The following STAMBP variants were observed in gnomAD, a reference collection of about 807,000 sequenced individuals.
STAMBP encodes the protein STAM binding protein.
In STAMBP, 31 loss-of-function variants were observed where a neutral mutation model predicts 50.7. The ratio of observed to expected loss-of-function variants is 0.61; its 90% CI spans 0.46 to 0.83. The LOEUF is 0.83. Among genes scored for constraint, STAMBP ranks in the 40% least tolerant of loss-of-function variants. The pLI is 0.00. For missense variants in STAMBP, 472 were observed against 518.9 expected, an observed-to-expected ratio of 0.91 and a Z score of 0.88; for synonymous variants, 211 against 192.4, an observed-to-expected ratio of 1.10 and a Z score of -0.80.
intron 7 of STAMBP, among the ~76,000 whole-genome samples, chr2:73,853,138 C>A (rs556921699): frequency 2.3e-3 from 356 of 152,070 alleles, no homozygotes; most frequent in South Asian, 0.016. Context: ...AGACTCGGAT[C>A]GGCCTGGATT....
rs56684009 is a variant in STAMBP at position 73,852,917 on chromosome 2, G to GGTGTGTGTGTGTGT, written c.1005+2429_1005+2442dup. ...AGACTGGGTTTCACTATGTTGGCCA[G>GGTGTGTGTGTGTGT]GTGTGTGTGTGTGTGTGTGTGTGTG... On this transcript the variant is annotated intron_variant, in intron 7 of 9. Coordinates refer to ENST00000394070, the MANE Select transcript of STAMBP (RefSeq NM_213622.4). 7.5e-4 allele frequency among the ~76,000 whole-genome samples: 92 copies of GGTGTGTGTGTGTGT among 122,860 alleles called. 3 individuals are homozygous for GGTGTGTGTGTGTGT. Among genetic ancestry groups the GGTGTGTGTGTGTGT allele is most frequent in the South Asian group, 3.6e-3 (12 of 3,302 alleles). The allele number at this position is 122,860 out of a possible 152,430, so 80.6% of individuals were successfully genotyped here. A position where few individuals can be genotyped will look rare whatever the true frequency, so the allele number is the denominator to read the frequency against.
At chr2:73,872,797 T>C (rs1008365098) in intron 10 of STAMBP, among the ~76,000 whole-genome samples, 2 of 152,154 alleles carry the variant, frequency 1.3e-5, no homozygotes, top group African/African-American at 2.4e-5. Flanking sequence ...TCCTAGGATG[T>C]GTAAAATATG....
intron 10 of STAMBP, among the ~76,000 whole-genome samples, chr2:73,872,628 T>C (rs79740409): frequency 0.036 from 5,418 of 152,330 alleles, 127 homozygotes; most frequent in Non-Finnish European, 0.056. Flanking sequence ...GCACCAACTT[T>C]ATCCCGAAGT....
chr2:73,831,018 C>T lies in STAMBP; in HGVS notation c.162C>T (p.Gly54=). 1 of 1,614,210 alleles carries T rather than the reference C, an allele frequency of 6.2e-7. No individual in the cohort carries two copies. Among genetic ancestry groups the T allele is most frequent in the Non-Finnish European group, 8.5e-7 (1 of 1,180,018 alleles). The change falls in exon 2 of 10, where the codon GGC becomes GGT. Residue 54 remains glycine (G), a synonymous_variant. Coordinates refer to ENST00000394070, the MANE Select transcript of STAMBP (RefSeq NM_213622.4). ...TGGCATCCATTTACTCTGAGGAAGG[C>T]AACATTGAACATGCCTTCATCCTCT... ...IRMASIYSEE[G]NIEHAFILYN...
At chr2:73,871,410 TG>T (rs1206266255), downstream of STAMBP, among the ~76,000 whole-genome samples, 1 of 151,668 alleles carries the variant, frequency 6.6e-6, no homozygotes, top group Non-Finnish European at 1.5e-5. Context: ...TAGCCAGGCG[TG>T]GTGGTGGGTG....
intron 10 of STAMBP, among the ~76,000 whole-genome samples, chr2:73,873,084 A>C (rs1416733382): frequency 1.3e-5 from 2 of 152,224 alleles, no homozygotes; most frequent in African/African-American, 4.8e-5. Flanking sequence ...GGAAGGCAAC[A>C]TAGTCCAGCT....
At position 73,850,658 on chromosome 2, in the gene STAMBP, A is replaced by T; in HGVS notation, c.1005+145A>T. On this transcript the variant is annotated intron_variant, in intron 7 of 9. Coordinates refer to ENST00000394070, the MANE Select transcript of STAMBP (RefSeq NM_213622.4). The surrounding 1 kb of genome is among the most constrained non-coding windows in gnomAD (Gnocchi z 4.3). ...TTGGATGCAGTCCTTAGCATACTTG[A>T]CTATTGCACTTTGGTATTGTTTTCT... The T allele has an allele frequency of 1.2e-6, 1 of 823,176 alleles. No homozygotes were observed. The highest frequency in any genetic ancestry group is 3.8e-5 in the South Asian group (1 of 26,144). 51.0% of individuals were successfully genotyped at this position (823,176 alleles called of 1,614,324 possible). A position where few individuals can be genotyped will look rare whatever the true frequency, so the allele number is the denominator to read the frequency against.
intron 9 of STAMBP, chr2:73,860,422 T>A (rs1189736439): frequency 3.6e-6 from 2 of 557,448 alleles, no homozygotes; most frequent in Non-Finnish European, 5.2e-6. Flanking sequence ...TAATAACACC[T>A]ACTTTATAGG....
In STAMBP at chr2:73,858,195, A is replaced by T. The variant is rs542423187; in HGVS notation, c.1006-1059A>T. On this transcript the variant is annotated intron_variant, in intron 7 of 9. Transcript: ENST00000394070. Reference sequence around the variant, plus strand: ...TTTTTTTTTTTTTTTTAGTAGAGACAGGGTTTCACCATGTTAGCCAGGATG... The same window carrying T: ...TTTTTTTTTTTTTTTTAGTAGAGACTGGGTTTCACCATGTTAGCCAGGATG... 3.2e-5 allele frequency among the ~76,000 whole-genome samples: 4 copies of T among 125,850 alleles called. No individual in the cohort carries two copies. The East Asian group carries it at 9.4e-4, about 30-fold the overall frequency. The allele number at this position is 125,850 out of a possible 152,430, so 82.6% of individuals were successfully genotyped here. A position where few individuals can be genotyped will look rare whatever the true frequency, so the allele number is the denominator to read the frequency against.
intron 2 of STAMBP, among the ~76,000 whole-genome samples, chr2:73,837,998 T>G (rs1435246109): frequency 2.6e-5 from 4 of 152,158 alleles, no homozygotes; most frequent in African/African-American, 9.7e-5. Flanking sequence ...GCCACCTATG[T>G]CAGATGGGTG....
rs184204327 is a variant in STAMBP at position 73,845,019 on chromosome 2, A to G, written c.279+131A>G. The G allele has an allele frequency of 2.6e-4, 388 of 1,519,112 alleles. No homozygotes were observed. In the African/African-American group the frequency reaches 2.9e-3, roughly 11 times the overall value. The allele number at this position is 1,519,112 out of a possible 1,614,324, so 94.1% of individuals were successfully genotyped here. ...TAGGAGATAAGGCCATTTCACCACA[A>G]CAGTTCTGAAGTAGCAGGTATGGTA... On this transcript the variant is annotated intron_variant, in intron 3 of 9. Transcript: ENST00000394070.
At chr2:73,855,265 C>A (rs1313135523) in intron 7 of STAMBP, among the ~76,000 whole-genome samples, 11 of 152,192 alleles carry the variant, frequency 7.2e-5, no homozygotes. Flanking sequence ...TCAGCATTCA[C>A]CCTCCTTGCT....
At chr2:73,855,921 T>G (rs1225888115) in intron 7 of STAMBP, among the ~76,000 whole-genome samples, 1 of 152,248 alleles carries the variant, frequency 6.6e-6, no homozygotes, top group Non-Finnish European at 1.5e-5. Flanking sequence ...AAAACGCTAG[T>G]CAATTGCATG....
intron 4 of STAMBP, 78 bp downstream of exon 4, chr2:73,845,340 T>C (rs1675931843): frequency 9.9e-7 from 1 of 1,011,004 alleles, no homozygotes; most frequent in African/African-American, 1.6e-5. Context: ...GACATTTCAA[T>C]ATATCCTGTG....
intron 3 of STAMBP, 84 bp from the exon 4 acceptor site, chr2:73,845,083 A>C: frequency 6.3e-7 from 1 of 1,579,310 alleles, no homozygotes; most frequent in South Asian, 1.1e-5. Context: ...GAAATGTTGC[A>C]GTCACCAACT....
At chr2:73,871,503 G>T (rs1407033859), downstream of STAMBP, among the ~76,000 whole-genome samples, 2 of 150,114 alleles carry the variant, frequency 1.3e-5, no homozygotes, top group Admixed American at 6.6e-5. Flanking sequence ...AGCCGAGATC[G>T]CATCACTACA....
intron 7 of STAMBP, among the ~76,000 whole-genome samples, chr2:73,852,240 A>G (rs1676910666): frequency 6.6e-6 from 1 of 152,150 alleles, no homozygotes; most frequent in Non-Finnish European, 1.5e-5. Flanking sequence ...TTGGGAAATG[A>G]GTAATAGAGG....
Position 73,858,900 on chromosome 2 carries a change from T to C in STAMBP, c.1006-354T>C, listed in dbSNP as rs141019097. ...TGTCAGAGTAGTCCCCCCCTTATCC[T>C]CAGGGGATATGAGCCCAGACCCCCC... is the stretch of plus-strand genomic sequence containing the variant. On this transcript the variant is annotated intron_variant, in intron 7 of 9. Transcript: ENST00000394070. Among the ~76,000 whole-genome samples, 10 of 150,970 alleles carry C rather than the reference T, an allele frequency of 6.6e-5. No individual in the cohort carries two copies. In the East Asian group the frequency reaches 1.9e-3, roughly 29 times the overall value.
intron 2 of STAMBP, among the ~76,000 whole-genome samples, chr2:73,842,302 C>T (rs998579097): frequency 6.6e-6 from 1 of 152,154 alleles, no homozygotes; most frequent in Non-Finnish European, 1.5e-5. Flanking sequence ...GGGTTTTCTC[C>T]GGGTATTCAA....
Sources: allele counts gnomAD v4.1 joint callset (sites outside exome capture counted in the v4.1 genomes callset), GRCh38; gene constraint gnomAD v4.1.1; non-coding constraint Gnocchi (gnomAD v3.1); transcripts MANE v1.5; gene names NCBI Gene and HGNC (gene_info 2026-07-23, HGNC 2026-07-21).